Variants in IL5 observed in about 807,000 individuals in gnomAD.
IL5 encodes interleukin 5, also known as interleukin-5.
Under a neutral mutation model 16.3 loss-of-function variants are expected in IL5, and 12 were observed. That is an observed-to-expected ratio of 0.74 (90% CI 0.47 to 1.20). The LOEUF (loss-of-function observed/expected upper bound fraction) is 1.20. Among genes scored for constraint, IL5 ranks in the 50% most tolerant of loss-of-function variants. The probability of loss-of-function intolerance (pLI) is 0.00; values close to 1 mark genes in which losing one functional copy is unlikely to be tolerated. For missense variants in IL5, 159 were observed against 153.9 expected (o/e 1.03, Z -0.17); for synonymous variants, 54 against 56.6 (o/e 0.95, Z 0.21).
chr5:132,545,143 T>C (rs1018800669), upstream of IL5, among the ~76,000 whole-genome samples: 2 of 152,136 alleles, frequency 1.3e-5, no homozygotes, highest in African/African-American at 4.8e-5. Flanking sequence ...ACAATAGGCT[T>C]GGTCAAAGTG....
upstream of IL5, among the ~76,000 whole-genome samples, chr5:132,547,348 C>A (rs952374889): frequency 2.6e-5 from 4 of 152,184 alleles, no homozygotes; most frequent in Admixed American, 1.3e-4. Flanking sequence ...AAGAAAGGAA[C>A]TTTATCCCTG....
At chr5:132,547,631 A>G (rs1749814341), upstream of IL5, among the ~76,000 whole-genome samples, 1 of 152,224 alleles carries the variant, frequency 6.6e-6, no homozygotes, top group African/African-American at 2.4e-5. Context: ...TTAGTAATGT[A>G]CCAATATTAG....
At chr5:132,545,366 T>C (rs763475604), upstream of IL5, among the ~76,000 whole-genome samples, 7 of 152,096 alleles carry the variant, frequency 4.6e-5, no homozygotes, top group East Asian at 3.8e-4. Context: ...AATTCTATCA[T>C]AGGAGGCTGG....
chr5:132,555,306 T>C (rs1033076157), intron 1 of IL5, among the ~76,000 whole-genome samples: 3 of 152,144 alleles, frequency 2.0e-5, no homozygotes, highest in Admixed American at 2.0e-4. Flanking sequence ...AGATAAATAC[T>C]GTATGATTCC....
intron 1 of IL5, among the ~76,000 whole-genome samples, chr5:132,548,963 T>C (rs1416159028): frequency 6.6e-6 from 1 of 152,174 alleles, no homozygotes; most frequent in East Asian, 1.9e-4. Flanking sequence ...TACGGTAAAA[T>C]TGGTTTTGTT....
At chr5:132,547,250 G>C (rs1424322981), upstream of IL5, among the ~76,000 whole-genome samples, 3 of 152,130 alleles carry the variant, frequency 2.0e-5, no homozygotes, top group Non-Finnish European at 4.4e-5. Flanking sequence ...GGAGAAACCT[G>C]ATCAAACACT....
chr5:132,545,903 G>C (rs1396488156), upstream of IL5, among the ~76,000 whole-genome samples: 1 of 152,088 alleles, frequency 6.6e-6, no homozygotes. Flanking sequence ...CTGCGCAAGA[G>C]AGTGAGACTG....
chr5:132,542,643 A>G (rs150870350), intron 2 of IL5, among the ~76,000 whole-genome samples: 2 of 152,338 alleles, frequency 1.3e-5, no homozygotes, highest in Non-Finnish European at 2.9e-5. Flanking sequence ...ATACAACACC[A>G]TCATATAGTC....
intron 1 of IL5, among the ~76,000 whole-genome samples, chr5:132,548,913 T>C (rs1749837413): frequency 6.6e-6 from 1 of 152,192 alleles, no homozygotes; most frequent in Non-Finnish European, 1.5e-5. Flanking sequence ...TGGCCAGAAA[T>C]ATGCCATAGG....
intron 1 of IL5, chr5:132,556,581 G>T: frequency 1.3e-6 from 1 of 754,544 alleles, no homozygotes; most frequent in Non-Finnish European, 1.7e-6. Context: ...CTGCAATGGC[G>T]TCATCACATG....
At chr5:132,554,594 G>A (rs1423865249) in intron 1 of IL5, among the ~76,000 whole-genome samples, 1 of 152,090 alleles carries the variant, frequency 6.6e-6, no homozygotes, top group Admixed American at 6.6e-5. Context: ...ACTATTGGTG[G>A]GAATGTCAAA....
upstream of IL5, among the ~76,000 whole-genome samples, chr5:132,544,691 T>C (rs1749756582): frequency 6.6e-6 from 1 of 151,952 alleles, no homozygotes; most frequent in Non-Finnish European, 1.5e-5. Flanking sequence ...ATGATGGAGG[T>C]GTATGTGGCT....
At chr5:132,548,927 G>A (rs897927081) in intron 1 of IL5, among the ~76,000 whole-genome samples, 2 of 152,174 alleles carry the variant, frequency 1.3e-5, no homozygotes, top group African/African-American at 4.8e-5. Flanking sequence ...CCATAGGAAT[G>A]TAAGCTTTGT....
At chr5:132,549,972 C>T (rs1306592448) in intron 1 of IL5, among the ~76,000 whole-genome samples, 1 of 152,128 alleles carries the variant, frequency 6.6e-6, no homozygotes, top group East Asian at 1.9e-4. Context: ...TCTTCTAAAC[C>T]TTACCAACAC....
chr5:132,542,978 T>C (rs1718692877), intron 2 of IL5, 116 bp downstream of exon 2: 1 of 756,452 alleles, frequency 1.3e-6, no homozygotes, highest in Middle Eastern at 3.3e-4. Flanking sequence ...CAGCCACCCA[T>C]ATGAAAACAA....
intron 1 of IL5, chr5:132,556,566 C>A: frequency 1.8e-6 from 1 of 553,992 alleles, no homozygotes; most frequent in Non-Finnish European, 2.5e-6. Flanking sequence ...TTCCATTAAC[C>A]GCCACTGCAA....
upstream of IL5, among the ~76,000 whole-genome samples, chr5:132,546,501 T>TA (rs1477448497): frequency 2.6e-5 from 4 of 152,230 alleles, no homozygotes; most frequent in Non-Finnish European, 5.9e-5. Context: ...TAAGGCTGAA[T>TA]AATATTTCAT....
intron 1 of IL5, among the ~76,000 whole-genome samples, chr5:132,555,493 C>A (rs1382060905): frequency 6.6e-6 from 1 of 152,202 alleles, no homozygotes; most frequent in Non-Finnish European, 1.5e-5. Context: ...ATACTTAACA[C>A]CACTGAAATG....
At chr5:132,548,327 T>G (rs2149825505), upstream of IL5, among the ~76,000 whole-genome samples, 1 of 152,014 alleles carries the variant, frequency 6.6e-6, no homozygotes. Flanking sequence ...GAGAATAAGG[T>G]TTTTATTGAA....
Sources: allele counts gnomAD v4.1 joint callset (sites outside exome capture counted in the v4.1 genomes callset), GRCh38; gene constraint gnomAD v4.1.1; transcripts MANE v1.5; gene names NCBI Gene and HGNC (gene_info 2026-07-23, HGNC 2026-07-21).